Variants in AGAP1 observed in about 807,000 individuals in gnomAD.
AGAP1 encodes the protein ArfGAP with GTPase domain, ankyrin repeat and PH domain 1, also known as arf-GAP with GTPase, ANK repeat and PH domain-containing protein 1.
Under a neutral mutation model 105.3 loss-of-function variants are expected in AGAP1, and 29 were observed. That is an observed-to-expected ratio of 0.28 (90% CI 0.21 to 0.38). The LOEUF is 0.38. Ranked by LOEUF, AGAP1 falls within the 10% of genes least tolerant of loss-of-function variation. The probability of loss-of-function intolerance (pLI) is 1.00; values close to 1 mark genes in which losing one functional copy is unlikely to be tolerated. For missense variants in AGAP1, 998 were observed against 1,165.1 expected (o/e 0.86, Z 2.09); for synonymous variants, 509 against 485.9 (o/e 1.05, Z -0.63).
At chr2:235,771,367 CA>C (rs1647314230) in intron 6 of AGAP1, among the ~76,000 whole-genome samples, 1 of 152,152 alleles carries the variant, frequency 6.6e-6, no homozygotes, top group Non-Finnish European at 1.5e-5. Flanking sequence ...GCCTTGGGGC[CA>C]CTCTGGGGCT....
intron 12 of AGAP1, among the ~76,000 whole-genome samples, chr2:235,947,972 G>A (rs1011549368): frequency 1.3e-5 from 2 of 152,164 alleles, no homozygotes; most frequent in African/African-American, 4.8e-5. Context: ...TGCAATGTAC[G>A]GATCAAAGCC....
At chr2:235,640,891 C>A (rs1357938995) in intron 1 of AGAP1, among the ~76,000 whole-genome samples, 1 of 152,176 alleles carries the variant, frequency 6.6e-6, no homozygotes, top group Non-Finnish European at 1.5e-5. Flanking sequence ...GGAGTCCTGA[C>A]TGCTTTCACT....
rs1450262772 is a variant in AGAP1 at position 235,842,312 on chromosome 2, T to G, written c.1050+34981T>G. Among the ~76,000 whole-genome samples, 1 of 152,240 alleles carries G rather than the reference T, an allele frequency of 6.6e-6. No individual in the cohort carries two copies. Among genetic ancestry groups the G allele is most frequent in the Non-Finnish European group, 1.5e-5 (1 of 68,038 alleles). ...AGTTAACGTTTCCTTCAGATATGAA[T>G]GTAGGCAACGATCCACAGTGGTGTT... On this transcript the variant is annotated intron_variant, in intron 9 of 17. Coordinates refer to ENST00000304032, the MANE Select transcript of AGAP1 (RefSeq NM_001037131.3). The surrounding 1 kb of genome is among the most constrained non-coding windows in gnomAD (Gnocchi z 5.3).
At chr2:235,812,084 C>T (rs1005413869) in intron 9 of AGAP1, among the ~76,000 whole-genome samples, 18 of 152,150 alleles carry the variant, frequency 1.2e-4, no homozygotes, top group African/African-American at 3.6e-4. Context: ...GGCTGCAGGG[C>T]GCTGCGGGGG....
At chr2:235,784,238 G>GAAGT (rs1226056272) in intron 6 of AGAP1, among the ~76,000 whole-genome samples, 1 of 152,128 alleles carries the variant, frequency 6.6e-6, no homozygotes, top group African/African-American at 2.4e-5. Context: ...CTCACAAGTA[G>GAAGT]AAGTGTACAG....
chr2:235,968,765 T>G (rs2054517068), intron 13 of AGAP1, 142 bp downstream of exon 13: 1 of 860,098 alleles, frequency 1.2e-6, no homozygotes, highest in African/African-American at 1.8e-5. Context: ...GTTTGCAAGG[T>G]GGCACGAGAG....
intron 9 of AGAP1, among the ~76,000 whole-genome samples, chr2:235,816,536 G>A (rs112822525): frequency 0.039 from 5,982 of 151,520 alleles, 162 homozygotes; most frequent in Non-Finnish European, 0.058. Flanking sequence ...ATCCCCACAC[G>A]TGACAAGTAG....
rs1951338712 is a variant in AGAP1 at position 235,720,705 on chromosome 2, T to C, written c.310+3061T>C. 2 of 985,240 alleles carry C rather than the reference T, an allele frequency of 2.0e-6. No individual in the cohort carries two copies. The highest frequency in any genetic ancestry group is 2.3e-4 in the East Asian group (2 of 8,828). 61.0% of individuals were successfully genotyped at this position (985,240 alleles called of 1,614,324 possible). A position where few individuals can be genotyped will look rare whatever the true frequency, so the allele number is the denominator to read the frequency against. On this transcript the variant is annotated intron_variant, in intron 3 of 17. Coordinates refer to ENST00000304032, the MANE Select transcript of AGAP1 (RefSeq NM_001037131.3). The surrounding 1 kb of genome is among the most constrained non-coding windows in gnomAD (Gnocchi z 5.0). ...ATGTCTGTGCCCTGTTCTTCTGATTTAATTAGTGCGTGAGTATCCTTTATG... is the reference window on the plus strand; with the variant it reads ...ATGTCTGTGCCCTGTTCTTCTGATTCAATTAGTGCGTGAGTATCCTTTATG...
rs2058813450 is a variant in AGAP1 at position 236,082,507 on chromosome 2, ATGG to A, written c.2114+33228_2114+33230del. Among the ~76,000 whole-genome samples, 1 of 152,198 alleles carries A rather than the reference ATGG, an allele frequency of 6.6e-6. No homozygotes were observed. The highest frequency in any genetic ancestry group is 2.1e-4 in the South Asian group (1 of 4,824). On this transcript the variant is annotated intron_variant, in intron 16 of 17. Transcript: ENST00000304032. This position sits in a 1 kb window ranked among gnomAD's most constrained non-coding sequence, Gnocchi z 4.2. ...GCATCGATCCCCTCCAGAAAGGAAG[ATGG>A]TTCCCAAAAGGCCTATCAGGGGCAA...
At chr2:236,018,629 A>G (rs1454434138) in intron 13 of AGAP1, among the ~76,000 whole-genome samples, 1 of 152,226 alleles carries the variant, frequency 6.6e-6, no homozygotes, top group Non-Finnish European at 1.5e-5. Context: ...GGTGTTAGGA[A>G]ACAAGGGGGC....
intron 1 of AGAP1, among the ~76,000 whole-genome samples, chr2:235,523,448 G>C (rs1465550274): frequency 6.6e-6 from 1 of 152,188 alleles, no homozygotes; most frequent in African/African-American, 2.4e-5. Flanking sequence ...GAAAGGGACT[G>C]CTTCCCATCG....
rs1239215069 is a variant in AGAP1, at chr2:236,005,272, A to G, written c.1646-31289A>G. Among the ~76,000 whole-genome samples the G allele has an allele frequency of 6.6e-6, 1 of 151,984 alleles. No homozygotes were observed. Among genetic ancestry groups the G allele is most frequent in the Non-Finnish European group, 1.5e-5 (1 of 67,984 alleles). On this transcript the variant is annotated intron_variant, in intron 13 of 17. Transcript: ENST00000304032. The surrounding 1 kb of genome is among the most constrained non-coding windows in gnomAD (Gnocchi z 4.1). ...GCGATTCTTGCCCCTCAGCCTCCCA[A>G]ATAGCTGGGACTACAGGAGTGTGCC...
chr2:235,607,413 T>C lies in AGAP1; in HGVS notation c.164-101766T>C, dbSNP rs563619492. ...TCTAGCTATTATACAGAATTATTAG[T>C]CTACCTTTAGGGCTCCCCACAGCAA... On this transcript the variant is annotated intron_variant, in intron 1 of 17. Coordinates refer to ENST00000304032, the MANE Select transcript of AGAP1 (RefSeq NM_001037131.3). 1.6e-4 allele frequency among the ~76,000 whole-genome samples: 25 copies of C among 152,348 alleles called. 1 individual carries two copies. In the South Asian group the frequency reaches 5.2e-3, roughly 32 times the overall value.
In AGAP1 at chr2:235,882,102, T is replaced by C. The variant is rs2050054338; in HGVS notation, c.1051-1243T>C. Among the ~76,000 whole-genome samples the C allele has an allele frequency of 6.6e-6, 1 of 152,170 alleles. No homozygotes were observed. The highest frequency in any genetic ancestry group is 6.5e-5 in the Admixed American group (1 of 15,268). ...GTTTTTTTGTGTTTGGTTGTTTTTGTTTTTGTTCTTTTTGGCTACAAGGTG... is the reference window on the plus strand; with the variant it reads ...GTTTTTTTGTGTTTGGTTGTTTTTGCTTTTGTTCTTTTTGGCTACAAGGTG... On this transcript the variant is annotated intron_variant, in intron 9 of 17. Coordinates refer to ENST00000304032, the MANE Select transcript of AGAP1 (RefSeq NM_001037131.3). The surrounding 1 kb of genome is among the most constrained non-coding windows in gnomAD (Gnocchi z 4.6).
In AGAP1 at chr2:235,879,699, G is replaced by A. The variant is rs1314133472; in HGVS notation, c.1051-3646G>A. On this transcript the variant is annotated intron_variant, in intron 9 of 17. Transcript: ENST00000304032. This position sits in a 1 kb window ranked among gnomAD's most constrained non-coding sequence, Gnocchi z 5.0. ...CCCAGCACTTCTGGGAAGCCATGGT[G>A]GGAGGATTGCTTGAGCCCAGGAGTT... Among the ~76,000 whole-genome samples, 1 of 152,082 alleles carries A rather than the reference G, an allele frequency of 6.6e-6. No homozygotes were observed. Among genetic ancestry groups the A allele is most frequent in the African/African-American group, 2.4e-5 (1 of 41,412 alleles).
At chr2:235,513,245 C>CGCGGGCGCGGGT (rs960276964) in intron 1 of AGAP1, among the ~76,000 whole-genome samples, 6 of 152,120 alleles carry the variant, frequency 3.9e-5, no homozygotes, top group African/African-American at 1.4e-4. Flanking sequence ...CTGTGCCGGG[C>CGCGGGCGCGGGT]GCGGGTGGCT....
chr2:235,797,162 G>A (rs1039577323), intron 6 of AGAP1, among the ~76,000 whole-genome samples: 1 of 152,066 alleles, frequency 6.6e-6, no homozygotes, highest in Admixed American at 6.6e-5. Context: ...CTTTCCAAGG[G>A]GTTTGGTTAA....
intron 8 of AGAP1, among the ~76,000 whole-genome samples, chr2:235,802,915 TG>T (rs1286303592): frequency 7.0e-6 from 1 of 143,290 alleles, no homozygotes; most frequent in Non-Finnish European, 1.5e-5. Context: ...GATGGTGTGA[TG>T]GTTGTGGTTG....
At chr2:235,512,123 A>T (rs1942171588) in intron 1 of AGAP1, among the ~76,000 whole-genome samples, 2 of 146,768 alleles carry the variant, frequency 1.4e-5, no homozygotes, top group Non-Finnish European at 3.0e-5. Context: ...GTGTGTGGTG[A>T]TGGTCATTGT....
Sources: allele counts gnomAD v4.1 joint callset (sites outside exome capture counted in the v4.1 genomes callset), GRCh38; gene constraint gnomAD v4.1.1; non-coding constraint Gnocchi (gnomAD v3.1); transcripts MANE v1.5; gene names NCBI Gene and HGNC (gene_info 2026-07-23, HGNC 2026-07-21).